PTGES3L: variants seen among roughly 807,000 people sequenced by gnomAD.
PTGES3L encodes the protein putative protein PTGES3L.
A neutral mutation model predicts 25.0 loss-of-function variants in PTGES3L; 17 were observed. The ratio of observed to expected loss-of-function variants is 0.68; its 90% CI spans 0.47 to 1.02. PTGES3L has a LOEUF of 1.02. Among genes scored for constraint, PTGES3L ranks in the 50% least tolerant of loss-of-function variants. The pLI is 0.00. For synonymous variants in PTGES3L, 59 were observed against 65.7 expected (o/e 0.90, Z 0.50); for missense variants, 202 against 197.5 (o/e 1.02, Z -0.14).
Position 42,969,144 on chromosome 17 carries a change from A to T in PTGES3L, c.*4T>A. ...CTGCCTTCCCAGCTTTGCGTCACAGAAAGTTAATTACTTGTTGCATCATCA... is the reference window on the plus strand; with the variant it reads ...CTGCCTTCCCAGCTTTGCGTCACAGTAAGTTAATTACTTGTTGCATCATCA... On this transcript the variant is annotated 3_prime_UTR_variant, in exon 7 of 7. Transcript: ENST00000591916. 1 of 1,542,340 alleles carries T rather than the reference A, an allele frequency of 6.5e-7. No individual in the cohort carries two copies. The highest frequency in any genetic ancestry group is 2.5e-5 in the East Asian group (1 of 40,262).
chr17:42,978,520 C>T (rs947796338), intron 4 of PTGES3L, among the ~76,000 whole-genome samples: 5 of 152,056 alleles, frequency 3.3e-5, no homozygotes, highest in African/African-American at 1.2e-4. Context: ...CACATTTCAT[C>T]ACCTACAACG....
At position 42,970,348 on chromosome 17, in the gene PTGES3L, G is replaced by A; in HGVS notation, c.379-6C>T. 1 of 1,613,532 alleles carries A rather than the reference G, an allele frequency of 6.2e-7. No homozygotes were observed. The highest frequency in any genetic ancestry group is 8.5e-7 in the Non-Finnish European group (1 of 1,179,680). On this transcript the variant is annotated splice_polypyrimidine_tract_variant and splice_region_variant and intron_variant, in intron 5 of 6. Transcript: ENST00000591916. ...GTGCTGACCTTCTTCAAAAGCTAGTGGGAAGAAAAAATAATCACAAGGGAG... is the reference window on the plus strand; with the variant it reads ...GTGCTGACCTTCTTCAAAAGCTAGTAGGAAGAAAAAATAATCACAAGGGAG...
intron 4 of PTGES3L, among the ~76,000 whole-genome samples, chr17:42,974,676 C>T (rs374273347): frequency 1.4e-4 from 21 of 150,382 alleles, no homozygotes; most frequent in East Asian, 1.4e-3. Flanking sequence ...AGGAGACTAA[C>T]GCAGGAGGAT....
At chr17:42,980,002 C>A in intron 1 of PTGES3L, 44 bp downstream of exon 1, 3 of 1,527,266 alleles carry the variant, frequency 2.0e-6, no homozygotes, top group Non-Finnish European at 2.6e-6. Flanking sequence ...AGGGAATCTC[C>A]AGGGAAAAGG....
chr17:42,977,477 G>A (rs1398122488), intron 4 of PTGES3L, among the ~76,000 whole-genome samples: 10 of 148,290 alleles, frequency 6.7e-5, no homozygotes, highest in African/African-American at 1.7e-4. Flanking sequence ...GGTGGCACAC[G>A]CCTGTAATCC....
chr17:42,979,874 TAGG>T (rs2050043362), intron 1 of PTGES3L, 169 bp downstream of exon 1: 1 of 1,443,882 alleles, frequency 6.9e-7, no homozygotes, highest in Non-Finnish European at 9.1e-7. Context: ...ACTAGGAAAC[TAGG>T]AGGTCAGGGA....
intron 4 of PTGES3L, among the ~76,000 whole-genome samples, chr17:42,978,270 G>T (rs903777462): frequency 6.6e-6 from 1 of 151,890 alleles, no homozygotes; most frequent in African/African-American, 2.4e-5. Context: ...AGCCAGGCGT[G>T]GGGGCACAAG....
chr17:42,978,094 A>AAAC (rs2049994675), intron 4 of PTGES3L, among the ~76,000 whole-genome samples: 1 of 150,464 alleles, frequency 6.6e-6, no homozygotes, highest in Admixed American at 6.6e-5. Flanking sequence ...AAAAAAAAAA[A>AAAC]AAAAAACAGA....
chr17:42,970,676 G>GCACACACACACACACACACACA (rs57542042), intron 5 of PTGES3L, among the ~76,000 whole-genome samples: 2 of 144,092 alleles, frequency 1.4e-5, no homozygotes, highest in African/African-American at 5.3e-5. Context: ...CTTAACACGC[G>GCACACACACACACACACACACA]CACACACACA....
intron 1 of PTGES3L, 56 bp downstream of exon 1, chr17:42,979,990 G>A (rs1042961225): frequency 5.3e-5 from 80 of 1,514,076 alleles, no homozygotes; most frequent in Middle Eastern, 4.6e-4. Context: ...AAGACTTGGA[G>A]CAGGGAATCT....
At chr17:42,979,471 T>C (rs757825664) in intron 2 of PTGES3L, 27 bp from the exon 3 acceptor site, 6 of 1,614,012 alleles carry the variant, frequency 3.7e-6, no homozygotes, top group Non-Finnish European at 4.2e-6. Context: ...GCTGAGGAGA[T>C]GCGGAATACT....
chr17:42,972,476 G>A (rs1246866932), intron 4 of PTGES3L, among the ~76,000 whole-genome samples: 1 of 151,640 alleles, frequency 6.6e-6, no homozygotes, highest in African/African-American at 2.4e-5. Flanking sequence ...GCGATTGCAG[G>A]CACGCACCGC....
chr17:42,979,360 G>A lies in PTGES3L; in HGVS notation c.189+18C>T, dbSNP rs758863434. The A allele has an allele frequency of 1.6e-5, 26 of 1,613,930 alleles. No homozygotes were observed. Among genetic ancestry groups the A allele is most frequent in the Non-Finnish European group, 2.2e-5 (26 of 1,180,018 alleles). On this transcript the variant is annotated intron_variant, in intron 3 of 6. Transcript: ENST00000591916. ...GCCCGGTTTCCATCCAAACCTTACTGTCCCATTTCACCCTTACCTTGGAGT... is the reference window on the plus strand; with the variant it reads ...GCCCGGTTTCCATCCAAACCTTACTATCCCATTTCACCCTTACCTTGGAGT...
At chr17:42,975,172 C>G (rs1162844240) in intron 4 of PTGES3L, among the ~76,000 whole-genome samples, 1 of 150,932 alleles carries the variant, frequency 6.6e-6, no homozygotes, top group Non-Finnish European at 1.5e-5. Flanking sequence ...ACACACTGTC[C>G]CAGCCACTTG....
Position 42,969,190 on chromosome 17 carries a change from GGGGC to G in PTGES3L, c.433-8_433-5del, listed in dbSNP as rs373590793. ...CATCAGCACTGTCAGAATCATCCTG[GGGGC>G]GGGGGGGAAAAAAGACAAAGCACCT... is the stretch of plus-strand genomic sequence containing the variant. On this transcript the variant is annotated splice_polypyrimidine_tract_variant and splice_region_variant and intron_variant, in intron 6 of 6. Transcript: ENST00000591916. 0.37 allele frequency: 405,064 copies of G among 1,081,030 alleles called. 58,592 individuals are homozygous for G. Among genetic ancestry groups the G allele is most frequent in the African/African-American group, 0.54 (28,749 of 53,712 alleles). 67.0% of individuals were successfully genotyped at this position (1,081,030 alleles called of 1,614,324 possible).
chr17:42,968,356 C>T lies in PTGES3L; in HGVS notation c.*792G>A, dbSNP rs2049770621. 2.0e-5 allele frequency: 3 copies of T among 152,008 alleles called. No individual in the cohort carries two copies. Among genetic ancestry groups the T allele is most frequent in the East Asian group, 1.9e-4 (1 of 5,176 alleles). 9.4% of individuals were successfully genotyped at this position (152,008 alleles called of 1,614,324 possible). ...GACCAGCCTGGCCAACATGGTGAAA[C>T]CCCATCTCTGCTAAAAATACAAAAA... On this transcript the variant is annotated 3_prime_UTR_variant, in exon 7 of 7. Transcript: ENST00000591916.
chr17:42,971,484 G>C, intron 5 of PTGES3L, 123 bp downstream of exon 5: 2 of 962,832 alleles, frequency 2.1e-6, no homozygotes, highest in South Asian at 3.1e-5. Context: ...GCATCAATGA[G>C]TAACCTGCCT....
chr17:42,976,996 T>G (rs2049965946), intron 4 of PTGES3L, among the ~76,000 whole-genome samples: 1 of 152,078 alleles, frequency 6.6e-6, no homozygotes, highest in East Asian at 1.9e-4. Context: ...CTAGAAAGAA[T>G]AAGAGTCATC....
chr17:42,974,772 C>CAAAA (rs35782715), intron 4 of PTGES3L, among the ~76,000 whole-genome samples: 2 of 120,122 alleles, frequency 1.7e-5, no homozygotes, highest in African/African-American at 6.2e-5. Context: ...GACTCTGTCT[C>CAAAA]AAAAAAAAAA....
Sources: allele counts gnomAD v4.1 joint callset (sites outside exome capture counted in the v4.1 genomes callset), GRCh38; gene constraint gnomAD v4.1.1; transcripts MANE v1.5; gene names NCBI Gene and HGNC (gene_info 2026-07-23, HGNC 2026-07-21).